MLIP: variants seen among roughly 807,000 people sequenced by gnomAD.
The protein encoded by MLIP is muscular LMNA interacting protein.
MLIP carries 79 observed loss-of-function variants against 84.8 expected under a neutral mutation model. That is an observed-to-expected ratio of 0.93 (90% CI 0.78 to 1.12). The LOEUF is 1.12. Among genes scored for constraint, MLIP ranks in the 50% most tolerant of loss-of-function variants. The pLI is 0.00. For synonymous variants in MLIP, 504 were observed against 463.0 expected (o/e 1.09, Z -1.14); for missense variants, 1,257 against 1,160.6 (o/e 1.08, Z -1.21).
At chr6:54,160,336 C>A (rs1414285847) in intron 5 of MLIP, 31 bp from the exon 6 acceptor site, 9 of 1,580,074 alleles carry the variant, frequency 5.7e-6, no homozygotes, top group Non-Finnish European at 7.8e-6. Context: ...GACTAGAAGC[C>A]TCATATAAGA....
At chr6:54,078,750 G>T (rs1351465516) in intron 1 of MLIP, among the ~76,000 whole-genome samples, 3 of 138,646 alleles carry the variant, frequency 2.2e-5, no homozygotes, top group Non-Finnish European at 4.5e-5. Context: ...GGAGTGCAGT[G>T]GCATGATCTC....
intron 8 of MLIP, among the ~76,000 whole-genome samples, chr6:54,166,721 T>C (rs1438806946): frequency 6.6e-6 from 1 of 151,828 alleles, no homozygotes; most frequent in African/African-American, 2.4e-5. Context: ...TCACCCTGTT[T>C]TATGTTATAA....
intron 11 of MLIP, among the ~76,000 whole-genome samples, chr6:54,212,019 G>T (rs1050969987): frequency 6.6e-6 from 1 of 152,050 alleles, no homozygotes; most frequent in Non-Finnish European, 1.5e-5. Flanking sequence ...TCTGGAATTC[G>T]TCATATTCCA....
intron 12 of MLIP, among the ~76,000 whole-genome samples, chr6:54,236,967 G>A (rs892467803): frequency 3.3e-5 from 5 of 151,984 alleles, no homozygotes; most frequent in Non-Finnish European, 7.4e-5. Flanking sequence ...GTTTTCCCCA[G>A]GAGAAATGGT....
chr6:54,160,638 C>T, intron 7 of MLIP, 39 bp downstream of exon 7: 1 of 1,551,402 alleles, frequency 6.4e-7, no homozygotes, highest in East Asian at 2.3e-5. Context: ...CAAACATTTG[C>T]TTTGCTTCTC....
At position 54,067,366 on chromosome 6, in the gene MLIP, C is replaced by A. The variant is rs1208288289; in HGVS notation, c.63+48275C>A. Among the ~76,000 whole-genome samples, 2 of 100,606 alleles carry A rather than the reference C, an allele frequency of 2.0e-5. 1 individual carries two copies. Among genetic ancestry groups the A allele is most frequent in the Non-Finnish European group, 5.7e-5 (2 of 34,852 alleles). The allele number at this position is 100,606 out of a possible 152,430, so 66.0% of individuals were successfully genotyped here. A position where few individuals can be genotyped will look rare whatever the true frequency, so the allele number is the denominator to read the frequency against. ...TTGATAGTTGCCATTAATTAAATGC[C>A]CAACAAGTTCAACAAAATACACAGT... On this transcript the variant is annotated intron_variant, in intron 1 of 12. Transcript: ENST00000274897.
intron 1 of MLIP, among the ~76,000 whole-genome samples, chr6:54,091,846 T>G (rs1767895345): frequency 6.6e-6 from 1 of 152,214 alleles, no homozygotes; most frequent in African/African-American, 2.4e-5. Flanking sequence ...CATTCTTATT[T>G]ACTGTCTCAC....
In MLIP at chr6:54,100,146, AT is replaced by A. The variant is rs1447687402; in HGVS notation, c.64-21300del. Among the ~76,000 whole-genome samples, 22 of 152,154 alleles carry A rather than the reference AT, an allele frequency of 1.4e-4. 1 individual carries two copies. Among genetic ancestry groups the A allele is most frequent in the Non-Finnish European group, 8.8e-5 (6 of 68,002 alleles). Reference sequence around the variant, plus strand: ...GAAAGCTTATCACATGGTGCTCATCATGTTGGAGACGTCCCATGTATAATTT... The same window carrying A: ...GAAAGCTTATCACATGGTGCTCATCAGTTGGAGACGTCCCATGTATAATTT... On this transcript the variant is annotated intron_variant, in intron 1 of 12. Coordinates refer to the MLIP transcript ENST00000274897.
At chr6:54,034,365 C>T (rs890849339) in intron 1 of MLIP, among the ~76,000 whole-genome samples, 1 of 152,088 alleles carries the variant, frequency 6.6e-6, no homozygotes, top group Non-Finnish European at 1.5e-5. Context: ...TTTTGCAGTG[C>T]AGTCATGTGC....
chr6:54,145,350 G>A (rs1012749387), intron 4 of MLIP, among the ~76,000 whole-genome samples: 6 of 152,126 alleles, frequency 3.9e-5, no homozygotes, highest in African/African-American at 1.4e-4. Flanking sequence ...ATTGTTAAGA[G>A]AACCCAGAGG....
intron 12 of MLIP, among the ~76,000 whole-genome samples, chr6:54,235,081 A>C (rs571649777): frequency 2.6e-5 from 4 of 152,188 alleles, no homozygotes; most frequent in Non-Finnish European, 5.9e-5. Flanking sequence ...TACTTCTGTG[A>C]TGAAAATCAC....
intron 11 of MLIP, among the ~76,000 whole-genome samples, chr6:54,225,249 G>A (rs1209902258): frequency 6.6e-6 from 1 of 152,072 alleles, no homozygotes; most frequent in Admixed American, 6.6e-5. Flanking sequence ...AGCCTAGATG[G>A]TATAGCCTAC....
At chr6:54,252,795 A>G (rs182607016) in intron 12 of MLIP, among the ~76,000 whole-genome samples, 3 of 152,072 alleles carry the variant, frequency 2.0e-5, no homozygotes, top group African/African-American at 7.2e-5. Context: ...TGATCTATGG[A>G]CTTAAACACT....
chr6:54,251,383 AT>A (rs1485598587), intron 12 of MLIP, among the ~76,000 whole-genome samples: 1 of 142,544 alleles, frequency 7.0e-6, no homozygotes, highest in East Asian at 2.0e-4. Flanking sequence ...TAAATCAGGG[AT>A]TAAAAACACA....
chr6:54,173,400 A>G (rs950097560), intron 9 of MLIP, among the ~76,000 whole-genome samples: 1 of 151,898 alleles, frequency 6.6e-6, no homozygotes, highest in Non-Finnish European at 1.5e-5. Flanking sequence ...ACTTAGAAGG[A>G]ATAATTTCAT....
At chr6:54,028,296 T>C (rs948608940) in intron 1 of MLIP, among the ~76,000 whole-genome samples, 1 of 152,012 alleles carries the variant, frequency 6.6e-6, no homozygotes, top group African/African-American at 2.4e-5. Context: ...CCCAGCTTGG[T>C]CTTCAAAATA....
chr6:54,036,447 A>C (rs1332641785), intron 1 of MLIP, among the ~76,000 whole-genome samples: 1 of 151,992 alleles, frequency 6.6e-6, no homozygotes, highest in Non-Finnish European at 1.5e-5. Context: ...AGAGTAGTCT[A>C]AGCTGCTGTT....
At chr6:54,174,395 A>G (rs1776074125) in intron 9 of MLIP, among the ~76,000 whole-genome samples, 1 of 151,982 alleles carries the variant, frequency 6.6e-6, no homozygotes, top group Non-Finnish European at 1.5e-5. Flanking sequence ...TTTTCTCCAC[A>G]TGCTCATAAG....
At chr6:54,184,896 C>T (rs1040669244) in intron 9 of MLIP, among the ~76,000 whole-genome samples, 1 of 152,142 alleles carries the variant, frequency 6.6e-6, no homozygotes, top group Non-Finnish European at 1.5e-5. Flanking sequence ...TTCTTATACT[C>T]ATCTCAAATG....
Sources: allele counts gnomAD v4.1 joint callset (sites outside exome capture counted in the v4.1 genomes callset), GRCh38; gene constraint gnomAD v4.1.1; transcripts MANE v1.5; gene names NCBI Gene and HGNC (gene_info 2026-07-23, HGNC 2026-07-21).